The following ITSN1 variants were observed in gnomAD, a reference collection of about 807,000 sequenced individuals.
ITSN1 encodes the protein intersectin 1.
Under a neutral mutation model 239.8 loss-of-function variants are expected in ITSN1, and 58 were observed. The ratio of observed to expected loss-of-function variants is 0.24; its 90% CI spans 0.20 to 0.30. The LOEUF is 0.30. ITSN1 is among the 10% of genes least tolerant of loss of function. ITSN1 has a pLI of 1.00. For missense variants in ITSN1, 1,558 were observed against 2,103.3 expected, an observed-to-expected ratio of 0.74 and a Z score of 5.07; for synonymous variants, 780 against 770.8, an observed-to-expected ratio of 1.01 and a Z score of -0.20.
intron 1 of ITSN1, among the ~76,000 whole-genome samples, chr21:33,684,617 G>A (rs2091144640): frequency 6.6e-6 from 1 of 151,798 alleles, no homozygotes; most frequent in Non-Finnish European, 1.5e-5. Flanking sequence ...TCAGAAAGAG[G>A]GTCTCTTATT....
chr21:33,837,771 A>G, intron 29 of ITSN1: 2 of 985,912 alleles, frequency 2.0e-6, no homozygotes, highest in Non-Finnish European at 2.4e-6. Context: ...CACATGAGAA[A>G]GCACTCTGTG....
At chr21:33,883,192 C>G (rs1569341989) in intron 35 of ITSN1, among the ~76,000 whole-genome samples, 1 of 152,208 alleles carries the variant, frequency 6.6e-6, no homozygotes, top group Non-Finnish European at 1.5e-5. Context: ...GCGACACCAG[C>G]CAGATCTTAT....
chr21:33,700,951 C>CTCTGTG (rs371137964), intron 1 of ITSN1, among the ~76,000 whole-genome samples: 1 of 141,756 alleles, frequency 7.1e-6, no homozygotes, highest in African/African-American at 2.7e-5. Flanking sequence ...TTTCTTTTTT[C>CTCTGTG]TGTGTGTGTG....
intron 29 of ITSN1, among the ~76,000 whole-genome samples, chr21:33,852,853 C>A (rs1299948579): frequency 6.6e-6 from 1 of 152,170 alleles, no homozygotes; most frequent in Non-Finnish European, 1.5e-5. Flanking sequence ...CCATGTTTAT[C>A]CTAGGACCCA....
At chr21:33,849,426 C>T (rs1441516287) in intron 29 of ITSN1, among the ~76,000 whole-genome samples, 2 of 151,324 alleles carry the variant, frequency 1.3e-5, no homozygotes, top group African/African-American at 2.4e-5. Flanking sequence ...ATTAGCTGGG[C>T]GTGGTGGCGC....
chr21:33,691,104 C>T (rs1356790927), intron 1 of ITSN1, among the ~76,000 whole-genome samples: 12 of 151,824 alleles, frequency 7.9e-5, no homozygotes, highest in Non-Finnish European at 1.2e-4. Context: ...GCCTGCTCTG[C>T]GGTGTTGTAT....
intron 22 of ITSN1, among the ~76,000 whole-genome samples, chr21:33,816,548 A>G (rs945514801): frequency 6.6e-6 from 1 of 152,244 alleles, no homozygotes. Flanking sequence ...TCAAACCCAG[A>G]GTCCACATCC....
chr21:33,853,229 T>G (rs1978663978), intron 29 of ITSN1, among the ~76,000 whole-genome samples: 1 of 152,114 alleles, frequency 6.6e-6, no homozygotes. Context: ...CCAGGCAGGG[T>G]GGTAGGTGGA....
intron 1 of ITSN1, among the ~76,000 whole-genome samples, chr21:33,710,693 G>A (rs1486449372): frequency 6.6e-6 from 1 of 151,228 alleles, no homozygotes; most frequent in Admixed American, 6.6e-5. Flanking sequence ...GAAGTGGGTA[G>A]TGATCTCCTT....
At chr21:33,867,448 G>A (rs919762274) in intron 33 of ITSN1, 117 bp downstream of exon 33, 5 of 675,818 alleles carry the variant, frequency 7.4e-6, no homozygotes, top group Admixed American at 7.0e-5. Context: ...TAGAAAGCAC[G>A]AGACAACAAG....
intron 5 of ITSN1, among the ~76,000 whole-genome samples, chr21:33,746,864 A>G (rs2067216031): frequency 6.6e-6 from 1 of 151,878 alleles, no homozygotes; most frequent in South Asian, 2.1e-4. Flanking sequence ...GGAAAGTTCA[A>G]TAACTAAGGC....
chr21:33,789,915 A>T (rs1157907069), intron 16 of ITSN1, among the ~76,000 whole-genome samples: 1 of 152,238 alleles, frequency 6.6e-6, no homozygotes, highest in African/African-American at 2.4e-5. Flanking sequence ...AGGATGTCCA[A>T]AGATGTTTTA....
chr21:33,758,964 C>G (rs754760631), intron 8 of ITSN1, among the ~76,000 whole-genome samples: 1 of 152,176 alleles, frequency 6.6e-6, no homozygotes, highest in Non-Finnish European at 1.5e-5. Context: ...GCTATCTTAG[C>G]TGTTGCTGAT....
intron 29 of ITSN1, among the ~76,000 whole-genome samples, chr21:33,847,965 G>A (rs1304007868): frequency 6.6e-6 from 1 of 152,198 alleles, no homozygotes; most frequent in Non-Finnish European, 1.5e-5. Flanking sequence ...TACAGCAGGG[G>A]CACTGGGATT....
intron 1 of ITSN1, among the ~76,000 whole-genome samples, chr21:33,708,826 A>C (rs2092328565): frequency 6.6e-6 from 1 of 152,206 alleles, no homozygotes; most frequent in South Asian, 2.1e-4. Context: ...CCCGTTTTGA[A>C]TTAATTTTTG....
chr21:33,716,770 G>C (rs2065167246), intron 1 of ITSN1, among the ~76,000 whole-genome samples: 1 of 151,494 alleles, frequency 6.6e-6, no homozygotes, highest in South Asian at 2.1e-4. Context: ...TGGCCAACAT[G>C]GTGAAACTCC....
In ITSN1 at chr21:33,826,100, G is replaced by A. The variant is rs1182990717; in HGVS notation, c.3184-718G>A. Among the ~76,000 whole-genome samples, 12 of 152,322 alleles carry A rather than the reference G, an allele frequency of 7.9e-5. No homozygotes were observed. In the South Asian group the frequency reaches 2.3e-3, roughly 29 times the overall value. ...TCTCTGTTGTTGGCTTACTTGGCTG[G>A]TTTAAAATTCCATGAGTATCCCAGA... On this transcript the variant is annotated intron_variant, in intron 25 of 39. Coordinates refer to ENST00000381318, the MANE Select transcript of ITSN1 (RefSeq NM_003024.3).
chr21:33,882,552 T>C lies in ITSN1; in HGVS notation c.4554+97T>C. 1 of 1,027,830 alleles carries C rather than the reference T, an allele frequency of 9.7e-7. No individual in the cohort carries two copies. The highest frequency in any genetic ancestry group is 1.4e-6 in the Non-Finnish European group (1 of 700,498). The allele number at this position is 1,027,830 out of a possible 1,614,324, so 63.7% of individuals were successfully genotyped here. ...GTAGAGTTTTAGCAGGGTCAGGGGC[T>C]GTGGCATGCAGGAGAAGGCCAGGAG... is the stretch of plus-strand genomic sequence containing the variant. On this transcript the variant is annotated intron_variant, in intron 35 of 39. Transcript: ENST00000381318. The surrounding 1 kb of genome is among the most constrained non-coding windows in gnomAD (Gnocchi z 4.5).
In ITSN1 at chr21:33,677,339, A is replaced by G. The variant is rs558486529; in HGVS notation, c.-33+34626A>G. Among the ~76,000 whole-genome samples the G allele has an allele frequency of 1.6e-4, 24 of 149,874 alleles. No homozygotes were observed. The South Asian group carries it at 4.8e-3, about 30-fold the overall frequency. ...TCAAAATTAACATAGCCAAAGCAGA[A>G]TTCTTTTTTTTTTTTTTTTAAGACA... On this transcript the variant is annotated intron_variant, in intron 1 of 39. Transcript: ENST00000381318.
Sources: gnomAD v4.1 joint callset for allele counts (sites outside exome capture counted in the v4.1 genomes callset) on GRCh38, gnomAD v4.1.1 for gene constraint, Gnocchi (gnomAD v3.1) non-coding constraint, MANE v1.5 for transcripts, NCBI Gene and HGNC (gene_info 2026-07-23, HGNC 2026-07-21) for gene names.